Variants in TCF7L2 observed in about 807,000 individuals in gnomAD.
TCF7L2 encodes transcription factor 7 like 2, also known as transcription factor 7-like 2.
A neutral mutation model predicts 77.9 loss-of-function variants in TCF7L2; 23 were observed. The ratio of observed to expected loss-of-function variants is 0.30; its 90% CI spans 0.21 to 0.42. TCF7L2 has a LOEUF of 0.42. Among genes scored for constraint, TCF7L2 ranks in the 10% least tolerant of loss-of-function variants. The probability of loss-of-function intolerance (pLI) is 1.00; values close to 1 mark genes in which losing one functional copy is unlikely to be tolerated. For missense variants in TCF7L2, 654 were observed against 793.1 expected, an observed-to-expected ratio of 0.82 and a Z score of 2.11; for synonymous variants, 413 against 340.2, an observed-to-expected ratio of 1.21 and a Z score of -2.36.
At chr10:112,987,433 T>TC (rs1554899113) in intron 4 of TCF7L2, 300 of 144,570 alleles carry the variant, frequency 2.1e-3, no homozygotes, top group Non-Finnish European at 3.7e-3. Flanking sequence ...TTTTTTTTTT[T>TC]CCCCCAAATG....
At chr10:113,105,645 A>C (rs906606318) in intron 5 of TCF7L2, among the ~76,000 whole-genome samples, 1 of 152,124 alleles carries the variant, frequency 6.6e-6, no homozygotes, top group Non-Finnish European at 1.5e-5. Flanking sequence ...GTTTCCCACC[A>C]CACTTCCAAT....
intron 5 of TCF7L2, chr10:113,126,966 A>C: frequency 1.0e-6 from 1 of 975,718 alleles, no homozygotes; most frequent in Non-Finnish European, 1.2e-6. Context: ...TGCTGCGTCC[A>C]CGGCTGTCCA....
Position 113,129,684 on chromosome 10 carries a change from G to A in TCF7L2, c.553-11500G>A, listed in dbSNP as rs1003481149. ...TCGGCCAGGAATCTGGAGCCATTTC[G>A]ATCTTTTTAGATGCTTTTTTTCAGT... On this transcript the variant is annotated intron_variant, in intron 5 of 13. Coordinates refer to ENST00000627217, the MANE Select transcript of TCF7L2 (RefSeq NM_001146274.2). 60 of 1,190,640 alleles carry A rather than the reference G, an allele frequency of 5.0e-5. No homozygotes were observed. The South Asian group carries it at 7.8e-4, about 15-fold the overall frequency. 73.8% of individuals were successfully genotyped at this position (1,190,640 alleles called of 1,614,324 possible).
At chr10:112,976,279 C>T (rs1040834285) in intron 4 of TCF7L2, among the ~76,000 whole-genome samples, 2 of 152,170 alleles carry the variant, frequency 1.3e-5, no homozygotes, top group Non-Finnish European at 1.5e-5. Flanking sequence ...TATGCTTTAT[C>T]CCAACATGCA....
At position 113,005,803 on chromosome 10, in the gene TCF7L2, T is replaced by A. The variant is rs955766796; in HGVS notation, c.451-34222T>A. Among the ~76,000 whole-genome samples, 3 of 152,144 alleles carry A rather than the reference T, an allele frequency of 2.0e-5. No homozygotes were observed. In the East Asian group the frequency reaches 5.8e-4, roughly 29 times the overall value. The stretch of plus-strand genomic sequence containing the variant: ...GGAAGGAAAGAAAAAAAAATACTCT[T>A]GAGTGGTTTGGGCCAGGATTTTAGC... On this transcript the variant is annotated intron_variant, in intron 4 of 13. Coordinates refer to ENST00000627217, the MANE Select transcript of TCF7L2 (RefSeq NM_001146274.2).
At chr10:113,056,849 G>A (rs773228574) in intron 5 of TCF7L2, among the ~76,000 whole-genome samples, 16 of 152,180 alleles carry the variant, frequency 1.1e-4, no homozygotes, top group South Asian at 2.1e-4. Flanking sequence ...GGGAGAGGCT[G>A]CCTGGTGGGT....
At chr10:112,968,821 C>A (rs1489829522) in intron 4 of TCF7L2, among the ~76,000 whole-genome samples, 1 of 152,020 alleles carries the variant, frequency 6.6e-6, no homozygotes, top group Non-Finnish European at 1.5e-5. Flanking sequence ...CCTCGTGATC[C>A]GGCCATTTGG....
In TCF7L2 at chr10:113,125,199, G is replaced by A. The variant is rs542604617; in HGVS notation, c.553-15985G>A. ...CATGGAAAATTATCCCAGATGGGAC[G>A]AATCGCTCGTTCTCTGTTCTTTTTT... On this transcript the variant is annotated intron_variant, in intron 5 of 13. Coordinates refer to ENST00000627217, the MANE Select transcript of TCF7L2 (RefSeq NM_001146274.2). 1.0e-3 allele frequency among the ~76,000 whole-genome samples: 158 copies of A among 151,414 alleles called. 1 individual carries two copies. Among genetic ancestry groups the A allele is most frequent in the Middle Eastern group, 6.8e-3 (2 of 294 alleles).
intron 8 of TCF7L2, among the ~76,000 whole-genome samples, chr10:113,148,145 T>C (rs1380694169): frequency 6.6e-6 from 1 of 152,162 alleles, no homozygotes; most frequent in African/African-American, 2.4e-5. Context: ...TGATGGGTCA[T>C]TATACTTTAA....
chr10:113,123,537 A>G (rs765127622), intron 5 of TCF7L2, among the ~76,000 whole-genome samples: 56 of 152,242 alleles, frequency 3.7e-4, no homozygotes, highest in Non-Finnish European at 7.9e-4. Flanking sequence ...ACATATCTGC[A>G]TAAGGACTAT....
intron 7 of TCF7L2, 53 bp from the exon 8 acceptor site, chr10:113,145,958 T>TGGCCA: frequency 1.0e-5 from 14 of 1,350,198 alleles, no homozygotes; most frequent in African/African-American, 2.9e-5. Flanking sequence ...CTTTTTCTTG[T>TGGCCA]CCCCACCCCC....
rs1405917237 is a variant in TCF7L2 at position 113,109,974 on chromosome 10, ACAT to A, written c.553-31206_553-31204del. On this transcript the variant is annotated intron_variant, in intron 5 of 13. Transcript: ENST00000627217. ...AAAAGTGACTTGTTTGAAGATTATA[ACAT>A]CATTTCATACAGAAAATAGCTTTGC... Among the ~76,000 whole-genome samples the A allele has an allele frequency of 3.3e-5, 5 of 152,348 alleles. No individual in the cohort carries two copies. In the East Asian group the frequency reaches 9.6e-4, roughly 29 times the overall value.
intron 5 of TCF7L2, among the ~76,000 whole-genome samples, chr10:113,122,186 T>A (rs2064915214): frequency 6.6e-6 from 1 of 152,240 alleles, no homozygotes; most frequent in African/African-American, 2.4e-5. Context: ...AGTTTATACA[T>A]AAGATTATTT....
rs140908036 is a variant in TCF7L2 at position 113,010,885 on chromosome 10, G to A, written c.451-29140G>A. On this transcript the variant is annotated intron_variant, in intron 4 of 13. Coordinates refer to ENST00000627217, the MANE Select transcript of TCF7L2 (RefSeq NM_001146274.2). Reference sequence around the variant, plus strand: ...AAAAATATTAGCCGGGCCTGGTGGTGTGCACCTGTAGTCTCAGCTACTTGA... The same window carrying A: ...AAAAATATTAGCCGGGCCTGGTGGTATGCACCTGTAGTCTCAGCTACTTGA... Among the ~76,000 whole-genome samples the A allele has an allele frequency of 9.6e-3, 1,463 of 152,274 alleles. 12 individuals are homozygous for A. Among genetic ancestry groups the A allele is most frequent in the Middle Eastern group, 0.027 (8 of 292 alleles).
At position 113,157,920 on chromosome 10, in the gene TCF7L2, G is replaced by A. The variant is rs960691386; in HGVS notation, c.1270-101G>A. The A allele has an allele frequency of 4.0e-6, 5 of 1,257,758 alleles. No individual in the cohort carries two copies. The African/African-American group carries it at 5.9e-5, about 15-fold the overall frequency. The allele number at this position is 1,257,758 out of a possible 1,614,324, so 77.9% of individuals were successfully genotyped here. On this transcript the variant is annotated intron_variant, in intron 11 of 13. Transcript: ENST00000627217. ...GGGGTTTGTGTGGATGGAGATGGCA[G>A]TATGGTCACTTCCTCCTGCCTTCTC...
chr10:113,150,903 GTGC>G, intron 8 of TCF7L2, 92 bp from the exon 9 acceptor site: 1 of 1,516,706 alleles, frequency 6.6e-7, no homozygotes, highest in Non-Finnish European at 8.9e-7. Flanking sequence ...TGAGTGTTAC[GTGC>G]TGTTTTTTTT....
chr10:113,077,859 TTATTTATTTA>T (rs2058875332), intron 5 of TCF7L2, among the ~76,000 whole-genome samples: 3 of 11,776 alleles, frequency 2.5e-4, no homozygotes, highest in Admixed American at 1.1e-3. Context: ...CCTGGCTTGC[TTATTTATTTA>T]TTTATTTATT....
chr10:113,080,759 T>G (rs2059244360), intron 5 of TCF7L2, among the ~76,000 whole-genome samples: 1 of 152,250 alleles, frequency 6.6e-6, no homozygotes, highest in East Asian at 1.9e-4. Context: ...TTAAATAACA[T>G]TTTCTCATAA....
chr10:113,105,771 G>A (rs1271679612), intron 5 of TCF7L2, among the ~76,000 whole-genome samples: 1 of 152,130 alleles, frequency 6.6e-6, no homozygotes, highest in Non-Finnish European at 1.5e-5. Context: ...AGCATTCCAG[G>A]GTCTTACAGT....
Sources: allele counts gnomAD v4.1 joint callset (sites outside exome capture counted in the v4.1 genomes callset), GRCh38; gene constraint gnomAD v4.1.1; transcripts MANE v1.5; gene names NCBI Gene and HGNC (gene_info 2026-07-23, HGNC 2026-07-21).